The following CHL1 variants were observed in gnomAD, a reference collection of about 807,000 sequenced individuals.
CHL1 encodes the protein cell adhesion molecule L1 like.
A neutral mutation model predicts 141.9 loss-of-function variants in CHL1; 96 were observed. That is an observed-to-expected ratio of 0.68 (90% CI 0.57 to 0.80). The LOEUF (loss-of-function observed/expected upper bound fraction) is 0.80. Ranked by LOEUF, CHL1 falls within the 30% of genes least tolerant of loss-of-function variation. CHL1 has a pLI of 0.00. For synonymous variants in CHL1, 613 were observed against 502.2 expected (o/e 1.22, Z -2.95); for missense variants, 1,820 against 1,457.2 (o/e 1.25, Z -4.05).
rs770125553 is a variant in CHL1 at position 399,157 on chromosome 3, G to T, written c.3385+9G>T. ...AGGTGGAAAGTACTCAGGTAAAATTGTTTCTTAATGTGATTTTCAACTTAT... is the reference window on the plus strand; with the variant it reads ...AGGTGGAAAGTACTCAGGTAAAATTTTTTCTTAATGTGATTTTCAACTTAT... On this transcript the variant is annotated intron_variant, in intron 26 of 27. Transcript: ENST00000256509. 2 of 1,601,044 alleles carry T rather than the reference G, an allele frequency of 1.2e-6. No individual in the cohort carries two copies. The highest frequency in any genetic ancestry group is 1.7e-6 in the Non-Finnish European group (2 of 1,170,264).
At chr3:236,888 C>A (rs1368411870) in intron 1 of CHL1, among the ~76,000 whole-genome samples, 53 of 142,112 alleles carry the variant, frequency 3.7e-4, no homozygotes, top group Admixed American at 2.7e-4. Flanking sequence ...ACTTTTAGGG[C>A]AAAAAAAAAA....
chr3:396,689 A>G (rs1264364335), intron 24 of CHL1, among the ~76,000 whole-genome samples: 1 of 152,148 alleles, frequency 6.6e-6, no homozygotes, highest in African/African-American at 2.4e-5. Context: ...AATGTTTCTT[A>G]CTGGTGTGTT....
chr3:375,691 C>G (rs1024979200), intron 15 of CHL1, among the ~76,000 whole-genome samples: 3 of 152,036 alleles, frequency 2.0e-5, no homozygotes, highest in African/African-American at 7.3e-5. Flanking sequence ...CATACTCTGC[C>G]AGGCTGTATG....
At chr3:340,149 G>T (rs1422492830) in intron 5 of CHL1, among the ~76,000 whole-genome samples, 1 of 152,062 alleles carries the variant, frequency 6.6e-6, no homozygotes, top group Admixed American at 6.6e-5. Context: ...CTCCAGTGTG[G>T]GGAGGAAACA....
At chr3:314,331 A>G (rs540503511) in intron 2 of CHL1, among the ~76,000 whole-genome samples, 359 of 28,790 alleles carry the variant, frequency 0.012, 8 homozygotes, top group African/African-American at 0.092. Flanking sequence ...CTCTATGTGT[A>G]TATATATATA....
intron 3 of CHL1, among the ~76,000 whole-genome samples, chr3:322,645 A>AATATAT (rs4002786): frequency 2.3e-3 from 304 of 130,192 alleles, no homozygotes; most frequent in African/African-American, 5.2e-3. Context: ...ATATATATAA[A>AATATAT]ATATATATAT....
At chr3:337,433 T>G (rs1486504572) in intron 5 of CHL1, among the ~76,000 whole-genome samples, 1 of 152,022 alleles carries the variant, frequency 6.6e-6, no homozygotes, top group African/African-American at 2.4e-5. Flanking sequence ...TAGTTACATA[T>G]GTATACGTGT....
chr3:300,459 A>G (rs1698622706), intron 2 of CHL1, among the ~76,000 whole-genome samples: 2 of 152,172 alleles, frequency 1.3e-5, no homozygotes, highest in Admixed American at 6.6e-5. Context: ...CAATGGCAAG[A>G]ACCTTACAAG....
At chr3:339,953 A>G (rs1702233516) in intron 5 of CHL1, among the ~76,000 whole-genome samples, 1 of 152,194 alleles carries the variant, frequency 6.6e-6, no homozygotes, top group African/African-American at 2.4e-5. Flanking sequence ...GTGTAATTCT[A>G]TAATGCAAAT....
At chr3:354,819 A>G (rs1703576338) in intron 11 of CHL1, 48 bp downstream of exon 11, 2 of 1,605,968 alleles carry the variant, frequency 1.2e-6, no homozygotes, top group Non-Finnish European at 1.7e-6. Flanking sequence ...CCCTGGTTTG[A>G]CGGGATTAAT....
intron 2 of CHL1, among the ~76,000 whole-genome samples, chr3:297,090 G>T (rs1047200490): frequency 9.2e-5 from 14 of 152,256 alleles, no homozygotes; most frequent in African/African-American, 3.4e-4. Context: ...GCCAGGCATG[G>T]TGGTGCGCAC....
intron 5 of CHL1, among the ~76,000 whole-genome samples, chr3:337,796 A>T (rs1388983018): frequency 1.3e-5 from 2 of 152,158 alleles, no homozygotes; most frequent in Non-Finnish European, 2.9e-5. Flanking sequence ...GGTTGGTTGC[A>T]GGTCTTTACT....
intron 15 of CHL1, among the ~76,000 whole-genome samples, chr3:371,090 G>A (rs1461297298): frequency 6.6e-6 from 1 of 152,164 alleles, no homozygotes; most frequent in Non-Finnish European, 1.5e-5. Context: ...TTGATTTGGG[G>A]TGGAGAGTTC....
At chr3:339,127 AC>A (rs1455133850) in intron 5 of CHL1, among the ~76,000 whole-genome samples, 1 of 152,126 alleles carries the variant, frequency 6.6e-6, no homozygotes, top group African/African-American at 2.4e-5. Flanking sequence ...CAACTACCCA[AC>A]AGCACCACTG....
chr3:328,949 A>T (rs1701225858), intron 5 of CHL1, among the ~76,000 whole-genome samples: 1 of 152,182 alleles, frequency 6.6e-6, no homozygotes, highest in South Asian at 2.1e-4. Context: ...AGTCCCATCT[A>T]ACATCAATAG....
chr3:204,006 C>A (rs1374524030), intron 1 of CHL1, among the ~76,000 whole-genome samples: 2 of 152,236 alleles, frequency 1.3e-5, no homozygotes, highest in Admixed American at 1.3e-4. Flanking sequence ...AGTTTGTATT[C>A]AGGAGAATCT....
At chr3:392,000 G>C (rs1335108631) in intron 23 of CHL1, among the ~76,000 whole-genome samples, 3 of 152,118 alleles carry the variant, frequency 2.0e-5, no homozygotes, top group Admixed American at 1.3e-4. Context: ...GTTTTATGAC[G>C]ACATGGCCAT....
intron 19 of CHL1, among the ~76,000 whole-genome samples, chr3:387,811 G>GA (rs1707881564): frequency 6.6e-6 from 1 of 152,108 alleles, no homozygotes; most frequent in African/African-American, 2.4e-5. Flanking sequence ...AAGGTCTGCA[G>GA]AAAATCTCAG....
chr3:392,099 G>A (rs1708273873), intron 23 of CHL1, among the ~76,000 whole-genome samples: 1 of 152,194 alleles, frequency 6.6e-6, no homozygotes, highest in Non-Finnish European at 1.5e-5. Context: ...GCCTACAAAG[G>A]CTAAATGTTT....
Sources: gnomAD v4.1 joint callset for allele counts (sites outside exome capture counted in the v4.1 genomes callset) on GRCh38, gnomAD v4.1.1 for gene constraint, MANE v1.5 for transcripts, NCBI Gene and HGNC (gene_info 2026-07-23, HGNC 2026-07-21) for gene names.